Variants in EEIG2 observed in about 807,000 individuals in gnomAD.
The protein encoded by EEIG2 is family with sequence similarity 102 member B.
the EEIG2 span, among the ~76,000 whole-genome samples, chr1:108,605,356 G>A: frequency 6.6e-6 from 1 of 152,132 alleles, no homozygotes; most frequent in Non-Finnish European, 1.5e-5. Context: ...CAGGGAAGGG[G>A]AGGAACAGCA....
chr1:108,587,975 G>A, the EEIG2 span, among the ~76,000 whole-genome samples: 21,328 of 151,984 alleles, frequency 0.14, 2,275 homozygotes, highest in African/African-American at 0.3. Context: ...TTTCTGTGCC[G>A]GGGTTATTTC....
chr1:108,585,845 C>T, the EEIG2 span, among the ~76,000 whole-genome samples: 1 of 152,074 alleles, frequency 6.6e-6, no homozygotes, highest in Non-Finnish European at 1.5e-5. Context: ...GTCGTTGGCT[C>T]ATTTCTCTCT....
chr1:108,589,630 G>T, the EEIG2 span, among the ~76,000 whole-genome samples: 5 of 151,786 alleles, frequency 3.3e-5, no homozygotes, highest in Non-Finnish European at 5.9e-5. Context: ...AGCCTCCTTT[G>T]CCTGTGCCCC....
At chr1:108,587,877 G>A in the EEIG2 span, among the ~76,000 whole-genome samples, 1 of 152,110 alleles carries the variant, frequency 6.6e-6, no homozygotes, top group Non-Finnish European at 1.5e-5. Flanking sequence ...GTGATGCTAT[G>A]TAGAATTTGC....
At chr1:108,596,046 A>G in the EEIG2 span, among the ~76,000 whole-genome samples, 20,673 of 151,856 alleles carry the variant, frequency 0.14, 2,013 homozygotes, top group African/African-American at 0.28. Context: ...TTATAAATAC[A>G]GACAGGTAAT....
the EEIG2 span, among the ~76,000 whole-genome samples, chr1:108,632,416 T>C: frequency 2.0e-5 from 3 of 152,290 alleles, no homozygotes; most frequent in Middle Eastern, 6.8e-3. Flanking sequence ...TGGGGAGCCA[T>C]TGGCCATCTT....
chr1:108,616,812 C>T, the EEIG2 span, among the ~76,000 whole-genome samples: 1 of 152,102 alleles, frequency 6.6e-6, no homozygotes, highest in Non-Finnish European at 1.5e-5. Flanking sequence ...AAGTCCCTGC[C>T]ATCCTGGAGC....
At chr1:108,602,892 T>G in the EEIG2 span, among the ~76,000 whole-genome samples, 1 of 152,026 alleles carries the variant, frequency 6.6e-6, no homozygotes, top group Non-Finnish European at 1.5e-5. Context: ...AAAGAAGACC[T>G]TACTTCCAAA....
chr1:108,601,832 T>C, the EEIG2 span, among the ~76,000 whole-genome samples: 2 of 152,268 alleles, frequency 1.3e-5, no homozygotes, highest in South Asian at 4.1e-4. Flanking sequence ...TGAAAAAGTT[T>C]GATAGTGTGC....
chr1:108,638,820 T>G, the EEIG2 span: 1 of 152,228 alleles, frequency 6.6e-6, no homozygotes, highest in Non-Finnish European at 1.5e-5. Context: ...CTTATTCCCT[T>G]ACACATGCGA....
chr1:108,592,489 T>C, the EEIG2 span, among the ~76,000 whole-genome samples: 1 of 152,246 alleles, frequency 6.6e-6, no homozygotes, highest in Non-Finnish European at 1.5e-5. Context: ...TATTTGACTT[T>C]CTTACTCACA....
chr1:108,565,467 G>A, the EEIG2 span, among the ~76,000 whole-genome samples: 13 of 152,128 alleles, frequency 8.5e-5, no homozygotes, highest in East Asian at 1.9e-4. Context: ...TCTTTTCACC[G>A]TACTTCCTTT....
the EEIG2 span, among the ~76,000 whole-genome samples, chr1:108,623,340 TAAAA>T: frequency 1.3e-5 from 2 of 151,584 alleles, no homozygotes; most frequent in Non-Finnish European, 2.9e-5. Flanking sequence ...CTACTAAATG[TAAAA>T]AAAAGCCAGG....
At chr1:108,623,963 C>T in the EEIG2 span, among the ~76,000 whole-genome samples, 1 of 151,984 alleles carries the variant, frequency 6.6e-6, no homozygotes, top group Non-Finnish European at 1.5e-5. Context: ...TGAGCCACTG[C>T]ACCCAGCCAA....
chr1:108,628,025 G>A, the EEIG2 span: 1 of 671,008 alleles, frequency 1.5e-6, no homozygotes, highest in Non-Finnish European at 2.7e-6. Context: ...CCATTGCACT[G>A]ACTTAAAAGG....
chr1:108,567,992 C>T, the EEIG2 span, among the ~76,000 whole-genome samples: 5 of 151,308 alleles, frequency 3.3e-5, no homozygotes, highest in Non-Finnish European at 7.4e-5. Flanking sequence ...GAGCAGGACT[C>T]TGTCTCAAAA....
the EEIG2 span, among the ~76,000 whole-genome samples, chr1:108,575,108 T>C: frequency 6.6e-6 from 1 of 152,242 alleles, no homozygotes; most frequent in Admixed American, 6.5e-5. Flanking sequence ...ATCAGAGGAA[T>C]TGTCAGACTG....
the EEIG2 span, chr1:108,560,423 C>T: frequency 1.3e-6 from 2 of 1,599,228 alleles, no homozygotes; most frequent in Non-Finnish European, 1.7e-6. Context: ...GCGCCTGGCT[C>T]TCACGATGAT....
chr1:108,592,912 C>A, the EEIG2 span, among the ~76,000 whole-genome samples: 60 of 152,084 alleles, frequency 3.9e-4, no homozygotes, highest in Non-Finnish European at 4.4e-4. Context: ...AATCTCAGCA[C>A]TTTGAGAGGC....
Sources: allele counts gnomAD v4.1 joint callset (sites outside exome capture counted in the v4.1 genomes callset), GRCh38; gene constraint gnomAD v4.1.1; transcripts MANE v1.5; gene names NCBI Gene and HGNC (gene_info 2026-07-23, HGNC 2026-07-21).